Variants in DYM observed in about 807,000 individuals in gnomAD.
DYM encodes dymeclin.
A neutral mutation model predicts 93.1 loss-of-function variants in DYM; 78 were observed. That is an observed-to-expected ratio of 0.84 (90% confidence interval 0.70 to 1.01). DYM has a LOEUF of 1.01. DYM is among the 50% of genes least tolerant of loss of function. DYM has a pLI of 0.00. For synonymous variants in DYM, 321 were observed against 319.7 expected (o/e 1.00, Z -0.04); for missense variants, 789 against 845.0 (o/e 0.93, Z 0.82).
intron 17 of DYM, among the ~76,000 whole-genome samples, chr18:49,076,951 G>A (rs1462064658): frequency 6.6e-6 from 1 of 152,114 alleles, no homozygotes; most frequent in East Asian, 1.9e-4. Context: ...CCATAAATTA[G>A]CTCTTGTCTC....
intron 15 of DYM, among the ~76,000 whole-genome samples, chr18:49,153,272 T>A (rs1414868139): frequency 2.0e-5 from 3 of 152,156 alleles, no homozygotes; most frequent in East Asian, 3.9e-4. Context: ...GGGAAAAAAA[T>A]CGATTGCACT....
intron 8 of DYM, among the ~76,000 whole-genome samples, chr18:49,317,759 A>G (rs887108061): frequency 2.0e-5 from 3 of 150,022 alleles, no homozygotes; most frequent in African/African-American, 7.4e-5. Context: ...GGTGCCTGCC[A>G]CCATGCCCGG....
chr18:49,292,432 T>C (rs935920643), intron 8 of DYM, among the ~76,000 whole-genome samples: 4 of 146,150 alleles, frequency 2.7e-5, no homozygotes, highest in Admixed American at 6.9e-5. Flanking sequence ...TGGTAAACAG[T>C]ACTGCAGGGA....
intron 8 of DYM, among the ~76,000 whole-genome samples, chr18:49,310,276 T>C (rs895370020): frequency 2.6e-5 from 4 of 152,214 alleles, no homozygotes; most frequent in Non-Finnish European, 5.9e-5. Flanking sequence ...CAGTGAATAT[T>C]AATCAAAGGT....
intron 6 of DYM, among the ~76,000 whole-genome samples, chr18:49,334,489 A>G (rs571243850): frequency 6.6e-6 from 1 of 152,222 alleles, no homozygotes. Context: ...AAATAAAAAG[A>G]AAAAGATTCA....
intron 17 of DYM, among the ~76,000 whole-genome samples, chr18:49,046,498 TAC>T (rs200767721): frequency 0.037 from 5,231 of 141,762 alleles, 257 homozygotes; most frequent in African/African-American, 0.12. Context: ...CACACAGACA[TAC>T]ACAGACATGC....
At chr18:49,221,426 A>G (rs1471292667) in intron 13 of DYM, among the ~76,000 whole-genome samples, 11 of 152,132 alleles carry the variant, frequency 7.2e-5, no homozygotes, top group Non-Finnish European at 4.4e-5. Context: ...AAAGGATTAT[A>G]AATCATGCTG....
At chr18:49,432,265 A>T (rs981521251) in intron 1 of DYM, among the ~76,000 whole-genome samples, 1 of 144,736 alleles carries the variant, frequency 6.9e-6, no homozygotes, top group South Asian at 2.2e-4. Flanking sequence ...CAGGAGGCAG[A>T]GGTTGCAGTG....
chr18:49,443,672 A>G (rs945287328), intron 1 of DYM, among the ~76,000 whole-genome samples: 1 of 152,208 alleles, frequency 6.6e-6, no homozygotes, highest in African/African-American at 2.4e-5. Flanking sequence ...CCAACTCATG[A>G]GAGCAATGAG....
At chr18:49,046,716 C>G (rs995241405) in intron 17 of DYM, among the ~76,000 whole-genome samples, 3 of 152,010 alleles carry the variant, frequency 2.0e-5, no homozygotes, top group African/African-American at 7.2e-5. Flanking sequence ...CCTGAGCAAC[C>G]TAGCAAGACC....
rs377286212 is a variant in DYM at position 49,405,088 on chromosome 18, G to T, written c.141-13443C>A. ...CATGCCTTTTCCTCATTTTTTAATG[G>T]GGTTATTTGGTTTTTGCTTGTTGAA... On this transcript the variant is annotated intron_variant, in intron 2 of 17. Transcript: ENST00000675505. Among the ~76,000 whole-genome samples, 26 of 152,020 alleles carry T rather than the reference G, an allele frequency of 1.7e-4. 1 individual carries two copies. In the South Asian group the frequency reaches 5.4e-3, roughly 32 times the overall value.
chr18:49,058,681 A>C (rs138113571), intron 17 of DYM, among the ~76,000 whole-genome samples: 2 of 152,282 alleles, frequency 1.3e-5, no homozygotes, highest in East Asian at 3.9e-4. Context: ...TAGATAATTC[A>C]ATTTGTTATA....
intron 10 of DYM, among the ~76,000 whole-genome samples, chr18:49,275,167 C>T (rs909411686): frequency 1.3e-5 from 2 of 152,016 alleles, no homozygotes; most frequent in South Asian, 2.1e-4. Context: ...AAGCAAAAGC[C>T]CAACTTTATT....
intron 2 of DYM, among the ~76,000 whole-genome samples, chr18:49,413,375 GACAA>G (rs1164955983): frequency 4.6e-5 from 7 of 152,310 alleles, no homozygotes; most frequent in East Asian, 1.9e-4. Flanking sequence ...TCCAGCATCT[GACAA>G]ACAGTGAGCT....
chr18:49,088,208 G>T (rs1027919145), intron 17 of DYM, among the ~76,000 whole-genome samples: 6 of 152,182 alleles, frequency 3.9e-5, no homozygotes, highest in Middle Eastern at 3.2e-3. Context: ...GTCCTGAATG[G>T]TATTGCCTAG....
chr18:49,139,131 T>A (rs1180462703), intron 15 of DYM, among the ~76,000 whole-genome samples: 1 of 152,134 alleles, frequency 6.6e-6, no homozygotes, highest in Non-Finnish European at 1.5e-5. Context: ...GCTTTCCTGT[T>A]CTCATTTTTC....
chr18:49,288,536 TG>T (rs2059811885), intron 8 of DYM, among the ~76,000 whole-genome samples: 1 of 152,182 alleles, frequency 6.6e-6, no homozygotes, highest in Admixed American at 6.5e-5. Flanking sequence ...CCCAGCACTT[TG>T]GGAGGCTAAG....
At chr18:49,313,479 A>G in intron 8 of DYM, among the ~76,000 whole-genome samples, 1 of 144,322 alleles carries the variant, frequency 6.9e-6, no homozygotes, top group African/African-American at 2.6e-5. Context: ...AAAAAAAAAA[A>G]AAAAAAAAAA....
intron 2 of DYM, among the ~76,000 whole-genome samples, chr18:49,398,769 T>C (rs531888292): frequency 6.6e-6 from 1 of 152,288 alleles, no homozygotes; most frequent in South Asian, 2.1e-4. Context: ...ACCAGAAGAC[T>C]TCTAATTAAT....
Sources: allele counts gnomAD v4.1 joint callset (sites outside exome capture counted in the v4.1 genomes callset), GRCh38; gene constraint gnomAD v4.1.1; transcripts MANE v1.5; gene names NCBI Gene and HGNC (gene_info 2026-07-23, HGNC 2026-07-21).